PIBF1: variants seen among roughly 807,000 people sequenced by gnomAD.
The protein encoded by PIBF1 is progesterone immunomodulatory binding factor 1, also known as progesterone-induced-blocking factor 1.
A neutral mutation model predicts 112.5 loss-of-function variants in PIBF1; 90 were observed. The observed-to-expected ratio is 0.80, with a 90% CI of 0.67 to 0.95. The LOEUF is 0.95. PIBF1 is among the 40% of genes least tolerant of loss of function. PIBF1 has a pLI of 0.00. For synonymous variants in PIBF1, 301 were observed against 288.6 expected (o/e 1.04, Z -0.44); for missense variants, 915 against 852.3 (o/e 1.07, Z -0.92).
At chr13:72,814,465 A>G (rs2036173041) in intron 5 of PIBF1, among the ~76,000 whole-genome samples, 1 of 151,268 alleles carries the variant, frequency 6.6e-6, no homozygotes. Context: ...TTGAAAAATA[A>G]TTACTTAAAT....
chr13:73,001,582 C>CTTTTTTTTTTTTTTTTTTT lies in PIBF1; in HGVS notation c.2223+2605_2223+2606insTTTTTTTTTTTTTTTTTTT. Among the ~76,000 whole-genome samples the CTTTTTTTTTTTTTTTTTTT allele has an allele frequency of 5.6e-3, 163 of 29,164 alleles. 53 individuals carry two copies. The highest frequency in any genetic ancestry group is 7.9e-3 in the Non-Finnish European group (106 of 13,366). 19.1% of individuals were successfully genotyped at this position (29,164 alleles called of 152,430 possible). A position where few individuals can be genotyped will look rare whatever the true frequency, so the allele number is the denominator to read the frequency against. ...CAGAGGAGGAGAAATAAGAGCTTGA[C>CTTTTTTTTTTTTTTTTTTT]TTTTTTTTTTTTTTTTTTGACACTT... On this transcript the variant is annotated intron_variant, in intron 17 of 17. Coordinates refer to ENST00000326291, the MANE Select transcript of PIBF1 (RefSeq NM_006346.4).
intron 5 of PIBF1, among the ~76,000 whole-genome samples, chr13:72,804,889 T>C (rs1445329956): frequency 1.3e-5 from 2 of 152,210 alleles, no homozygotes; most frequent in African/African-American, 4.8e-5. Context: ...CTTTGTTCAA[T>C]AAGTGTTCAA....
rs73524245 is a variant in PIBF1, at chr13:72,921,800, G to A, written c.1730+4634G>A. Among the ~76,000 whole-genome samples the A allele has an allele frequency of 1.8e-3, 267 of 152,144 alleles. 1 individual carries two copies. The highest frequency in any genetic ancestry group is 6.1e-3 in the African/African-American group (255 of 41,514). ...GTAGATCTTTAGTAAGTGCTAGGTC[G>A]TTACACCTTGATGTGTTTGTTCTTA... On this transcript the variant is annotated intron_variant, in intron 13 of 17. Coordinates refer to ENST00000326291, the MANE Select transcript of PIBF1 (RefSeq NM_006346.4).
chr13:72,918,767 G>A (rs1469412953), intron 13 of PIBF1, among the ~76,000 whole-genome samples: 4 of 134,528 alleles, frequency 3.0e-5, no homozygotes, highest in East Asian at 2.3e-4. Flanking sequence ...GCAGTGGCAC[G>A]ATCTCAGCTC....
chr13:73,009,060 A>G (rs112531595), intron 17 of PIBF1, among the ~76,000 whole-genome samples: 8 of 152,280 alleles, frequency 5.3e-5, no homozygotes, highest in Middle Eastern at 3.4e-3. Context: ...TTTCTCTTCA[A>G]CCATCCTTAG....
chr13:72,865,018 A>G (rs2038862952), intron 10 of PIBF1, among the ~76,000 whole-genome samples: 1 of 152,196 alleles, frequency 6.6e-6, no homozygotes, highest in African/African-American at 2.4e-5. Context: ...CAGTAAAAGG[A>G]AACAGGATTG....
At chr13:72,794,620 T>C (rs947433652) in intron 3 of PIBF1, among the ~76,000 whole-genome samples, 6 of 152,278 alleles carry the variant, frequency 3.9e-5, no homozygotes, top group Non-Finnish European at 7.4e-5. Flanking sequence ...TCTCACAAGA[T>C]CTGATGGTTT....
At chr13:72,836,362 A>G (rs2037360524) in intron 9 of PIBF1, among the ~76,000 whole-genome samples, 1 of 152,176 alleles carries the variant, frequency 6.6e-6, no homozygotes, top group Non-Finnish European at 1.5e-5. Context: ...GATTGTTGTC[A>G]GCAAGGCTTT....
In PIBF1 at chr13:72,927,939, ATG is replaced by A. The variant is rs536105744; in HGVS notation, c.1731-3220_1731-3219del. ...AGAACTTTAATACCATTTCTAATAT[ATG>A]TGTGTATATATATATATACACATAT... On this transcript the variant is annotated intron_variant, in intron 13 of 17. Transcript: ENST00000326291. 2.4e-3 allele frequency among the ~76,000 whole-genome samples: 308 copies of A among 126,830 alleles called. 2 individuals are homozygous for A. Among genetic ancestry groups the A allele is most frequent in the African/African-American group, 0.011 (291 of 27,600 alleles). The allele number at this position is 126,830 out of a possible 152,430, so 83.2% of individuals were successfully genotyped here. A position where few individuals can be genotyped will look rare whatever the true frequency, so the allele number is the denominator to read the frequency against.
chr13:72,906,556 T>A (rs919137932), intron 11 of PIBF1, among the ~76,000 whole-genome samples: 1 of 152,152 alleles, frequency 6.6e-6, no homozygotes, highest in African/African-American at 2.4e-5. Context: ...GGTTTACTTA[T>A]AACAACCACT....
At chr13:72,792,843 A>G (rs924371184) in intron 3 of PIBF1, among the ~76,000 whole-genome samples, 1 of 152,228 alleles carries the variant, frequency 6.6e-6, no homozygotes, top group Non-Finnish European at 1.5e-5. Flanking sequence ...CAACATATTG[A>G]TTGATTCTCA....
chr13:72,894,038 G>T, intron 11 of PIBF1, 89 bp downstream of exon 11: 1 of 190,990 alleles, frequency 5.2e-6, no homozygotes. Context: ...TCTCCTATAG[G>T]ATGTATCACT....
At chr13:72,909,060 GA>G (rs1443410295) in intron 12 of PIBF1, among the ~76,000 whole-genome samples, 1 of 151,384 alleles carries the variant, frequency 6.6e-6, no homozygotes, top group African/African-American at 2.4e-5. Context: ...AAAAAGAAAA[GA>G]AAAAAATAAA....
chr13:72,997,986 T>C (rs1477908539), intron 16 of PIBF1, among the ~76,000 whole-genome samples: 9 of 152,182 alleles, frequency 5.9e-5, no homozygotes, highest in Non-Finnish European at 2.9e-5. Flanking sequence ...TCATCACAAT[T>C]AATTCTTAGT....
chr13:73,000,593 A>C (rs1395910808), intron 17 of PIBF1, among the ~76,000 whole-genome samples: 1 of 152,234 alleles, frequency 6.6e-6, no homozygotes, highest in Non-Finnish European at 1.5e-5. Context: ...GGAAGAAAGC[A>C]GATTGAATAC....
chr13:72,962,414 T>C (rs893034071), intron 14 of PIBF1, among the ~76,000 whole-genome samples: 1 of 151,992 alleles, frequency 6.6e-6, no homozygotes, highest in African/African-American at 2.4e-5. Flanking sequence ...CTGGGCAGCA[T>C]AGGGAGACTC....
intron 10 of PIBF1, among the ~76,000 whole-genome samples, chr13:72,886,439 CTG>C (rs1566405733): frequency 6.6e-6 from 1 of 151,366 alleles, no homozygotes; most frequent in East Asian, 1.9e-4. Context: ...TTTTATAACA[CTG>C]TTATAAAAAT....
chr13:72,797,686 A>T (rs1489427631), intron 4 of PIBF1, among the ~76,000 whole-genome samples: 1 of 152,140 alleles, frequency 6.6e-6, no homozygotes, highest in African/African-American at 2.4e-5. Flanking sequence ...GGGAGGAAAT[A>T]CTGTCAAAGG....
Position 72,784,169 on chromosome 13 carries a change from T to C in PIBF1, c.252+448T>C, listed in dbSNP as rs117865608. Among the ~76,000 whole-genome samples, 528 of 150,914 alleles carry C rather than the reference T, an allele frequency of 3.5e-3. 1 individual carries two copies. The highest frequency in any genetic ancestry group is 6.4e-3 in the Non-Finnish European group (436 of 67,996). On this transcript the variant is annotated intron_variant, in intron 2 of 17. Coordinates refer to ENST00000326291, the MANE Select transcript of PIBF1 (RefSeq NM_006346.4). ...ACAATGTACGTATACTTCAAAACATTATGTTGTACATGACATATACACACA... is the reference window on the plus strand; with the variant it reads ...ACAATGTACGTATACTTCAAAACATCATGTTGTACATGACATATACACACA...
Sources: allele counts gnomAD v4.1 joint callset (sites outside exome capture counted in the v4.1 genomes callset), GRCh38; gene constraint gnomAD v4.1.1; transcripts MANE v1.5; gene names NCBI Gene and HGNC (gene_info 2026-07-23, HGNC 2026-07-21).